GLDN: variants seen among roughly 807,000 people sequenced by gnomAD.
GLDN encodes the protein collomin.
A neutral mutation model predicts 56.5 loss-of-function variants in GLDN; 47 were observed. That is an observed-to-expected ratio of 0.83 (90% CI 0.66 to 1.06). The LOEUF (loss-of-function observed/expected upper bound fraction) is 1.06. GLDN is among the 50% of genes least tolerant of loss of function. The pLI, the probability that GLDN is intolerant of heterozygous loss-of-function variation, is 0.00. For missense variants in GLDN, 782 were observed against 714.3 expected, an observed-to-expected ratio of 1.09 and a Z score of -1.08; for synonymous variants, 332 against 278.8, an observed-to-expected ratio of 1.19 and a Z score of -1.90.
intron 4 of GLDN, among the ~76,000 whole-genome samples, chr15:51,386,964 G>A (rs1484805211): frequency 1.3e-5 from 2 of 152,180 alleles, no homozygotes; most frequent in Non-Finnish European, 2.9e-5. Flanking sequence ...AGGAGGAGGT[G>A]GGGCAGTGGC....
chr15:51,404,886 T>C lies in GLDN; in HGVS notation c.*132T>C. On this transcript the variant is annotated 3_prime_UTR_variant, in exon 10 of 10. Transcript: ENST00000335449. ...ACCTCAAAAGTGTTTATATGGTCAG[T>C]GAGCCCCGCTTAGTGAAATAGCAAC... 1.5e-6 allele frequency: 1 copy of C among 659,128 alleles called. No individual in the cohort carries two copies. The highest frequency in any genetic ancestry group is 2.7e-6 in the Non-Finnish European group (1 of 369,862). 40.8% of individuals were successfully genotyped at this position (659,128 alleles called of 1,614,324 possible).
chr15:51,370,649 T>A (rs764762513), intron 1 of GLDN, among the ~76,000 whole-genome samples: 1 of 148,296 alleles, frequency 6.7e-6, no homozygotes, highest in Non-Finnish European at 1.5e-5. Context: ...AAAAAAAAAA[T>A]CACTTATTAT....
intron 1 of GLDN, among the ~76,000 whole-genome samples, chr15:51,358,631 T>A (rs2470186): frequency 6.6e-6 from 1 of 152,010 alleles, no homozygotes; most frequent in Admixed American, 6.6e-5. Flanking sequence ...CCATAGGGGA[T>A]GCCCTAGGGC....
In GLDN at chr15:51,397,700, G is replaced by C. The variant is rs2038165885; in HGVS notation, c.817+102G>C. ...GACCAGATTTGTTTTAATAGAGGGA[G>C]GAGGGTTTTGTCCAAAATGAAAGTT... On this transcript the variant is annotated intron_variant, in intron 6 of 9. Coordinates refer to ENST00000335449, the MANE Select transcript of GLDN (RefSeq NM_181789.4). 2.3e-6 allele frequency: 3 copies of C among 1,305,462 alleles called. No homozygotes were observed. The Admixed American group carries it at 9.0e-5, about 39-fold the overall frequency. The allele number at this position is 1,305,462 out of a possible 1,614,324, so 80.9% of individuals were successfully genotyped here. A position where few individuals can be genotyped will look rare whatever the true frequency, so the allele number is the denominator to read the frequency against.
intron 2 of GLDN, among the ~76,000 whole-genome samples, chr15:51,377,853 C>T (rs1263191734): frequency 6.6e-6 from 1 of 152,142 alleles, no homozygotes; most frequent in African/African-American, 2.4e-5. Context: ...ATCAGAAGTA[C>T]TTATTGGCCA....
intron 1 of GLDN, among the ~76,000 whole-genome samples, chr15:51,371,263 A>G (rs2037511052): frequency 6.6e-6 from 1 of 152,210 alleles, no homozygotes; most frequent in African/African-American, 2.4e-5. Context: ...AATTTGTTCA[A>G]CAAGACCCTT....
Position 51,401,583 on chromosome 15 carries a change from C to T in GLDN, c.1028-10C>T, listed in dbSNP as rs749978179. The T allele has an allele frequency of 1.2e-6, 2 of 1,609,262 alleles. No individual in the cohort carries two copies. Among genetic ancestry groups the T allele is most frequent in the Non-Finnish European group, 1.7e-6 (2 of 1,177,462 alleles). On this transcript the variant is annotated splice_polypyrimidine_tract_variant and intron_variant, in intron 8 of 9. Transcript: ENST00000335449. ...TAGGTAACAGCCTCTCCCTGGCTTC[C>T]CTCCTACAGGCATCATGGTTAAGGA...
chr15:51,388,760 T>A (rs2037953732), intron 4 of GLDN, among the ~76,000 whole-genome samples: 1 of 152,190 alleles, frequency 6.6e-6, no homozygotes, highest in African/African-American at 2.4e-5. Flanking sequence ...TCAAGGGGCT[T>A]GGGCCCTGTT....
At position 51,377,437 on chromosome 15, in the gene GLDN, T is replaced by C. The variant is rs2037657058; in HGVS notation, c.364-12T>C. 1.9e-6 allele frequency: 3 copies of C among 1,612,644 alleles called. No homozygotes were observed. Among genetic ancestry groups the C allele is most frequent in the South Asian group, 2.2e-5 (2 of 91,032 alleles). On this transcript the variant is annotated splice_polypyrimidine_tract_variant and intron_variant, in intron 1 of 9. Coordinates refer to ENST00000335449, the MANE Select transcript of GLDN (RefSeq NM_181789.4). ...CCCACTGTCTGCTCTGATGACCCTCTCTCCCCTGCAGATCCGAGTGATGGT... is the reference window on the plus strand; with the variant it reads ...CCCACTGTCTGCTCTGATGACCCTCCCTCCCCTGCAGATCCGAGTGATGGT...
At chr15:51,411,882 T>G (rs770481689), downstream of GLDN, among the ~76,000 whole-genome samples, 23 of 152,236 alleles carry the variant, frequency 1.5e-4, no homozygotes, top group Non-Finnish European at 2.6e-4. Context: ...TACCTCAAAT[T>G]GTACTTTCCA....
In GLDN at chr15:51,404,753, G is replaced by A; in HGVS notation, c.1655G>A (p.Ter552=). 2 of 1,502,928 alleles carry A rather than the reference G, an allele frequency of 1.3e-6. No homozygotes were observed. The highest frequency in any genetic ancestry group is 9.2e-7 in the Non-Finnish European group (1 of 1,082,696). 93.1% of individuals were successfully genotyped at this position (1,502,928 alleles called of 1,614,324 possible). A position where few individuals can be genotyped will look rare whatever the true frequency, so the allele number is the denominator to read the frequency against. ...VQFLSTTLNQ[*] is the part of the protein sequence containing the mutation. ...TTTTTGTCAACTACCTTAAATCAGT[G>A]ATGTGCTGCATTCGGCTCCCTTCAG... The change falls in exon 10 of 10, where the codon TGA becomes TAA. Residue 552 remains the stop codon, a stop_retained_variant. Coordinates refer to ENST00000335449, the MANE Select transcript of GLDN (RefSeq NM_181789.4).
rs963602082 is a variant in GLDN, at chr15:51,381,011, C to T, written c.416-2425C>T. Among the ~76,000 whole-genome samples the T allele has an allele frequency of 2.0e-5, 3 of 152,160 alleles. No individual in the cohort carries two copies. In the South Asian group the frequency reaches 6.2e-4, roughly 32 times the overall value. On this transcript the variant is annotated intron_variant, in intron 2 of 9. Transcript: ENST00000335449. Reference sequence around the variant, plus strand: ...CTCTAAATCCAAACTGAATTAGGAACCCCAGATGGGGCCTGGGTATCTGCA... The same window carrying T: ...CTCTAAATCCAAACTGAATTAGGAATCCCAGATGGGGCCTGGGTATCTGCA...
Position 51,352,852 on chromosome 15 carries a change from T to G in GLDN, c.363+10805T>G, listed in dbSNP as rs74686648. 0.015 allele frequency among the ~76,000 whole-genome samples: 2,286 copies of G among 152,318 alleles called. 184 individuals carry two copies. The East Asian group carries it at 0.25, about 17-fold the overall frequency. Reference sequence around the variant, plus strand: ...CTGAACTAACTTTGGAAGGAACTTATAGTTTAACTGTTTAACAACGTTGAT... The same window carrying G: ...CTGAACTAACTTTGGAAGGAACTTAGAGTTTAACTGTTTAACAACGTTGAT... On this transcript the variant is annotated intron_variant, in intron 1 of 9. Coordinates refer to ENST00000335449, the MANE Select transcript of GLDN (RefSeq NM_181789.4).
At chr15:51,392,189 G>A (rs954365909) in intron 4 of GLDN, among the ~76,000 whole-genome samples, 2 of 152,184 alleles carry the variant, frequency 1.3e-5, no homozygotes, top group Admixed American at 6.5e-5. Flanking sequence ...ACGTTTTAGG[G>A]TAGGGGTCCC....
intron 5 of GLDN, among the ~76,000 whole-genome samples, chr15:51,396,213 G>A (rs1217819686): frequency 2.6e-5 from 4 of 152,176 alleles, no homozygotes; most frequent in South Asian, 4.1e-4. Context: ...CCGTGGGATG[G>A]GCCAGGGGCG....
At chr15:51,342,736 G>A (rs931594161) in intron 1 of GLDN, among the ~76,000 whole-genome samples, 6 of 152,186 alleles carry the variant, frequency 3.9e-5, no homozygotes, top group African/African-American at 1.4e-4. Context: ...GGGACCTGCG[G>A]ATTGGTCTCC....
chr15:51,377,782 T>C (rs1283597638), intron 2 of GLDN, among the ~76,000 whole-genome samples: 1 of 152,228 alleles, frequency 6.6e-6, no homozygotes, highest in Admixed American at 6.5e-5. Context: ...TTATTCCCAT[T>C]AGTTTTTAAA....
At position 51,404,608 on chromosome 15, in the gene GLDN, A is replaced by G; in HGVS notation, c.1510A>G (p.Ile504Val). Reference sequence around the variant, plus strand: ...CTTTGATTTGTTAGGAGGGAAACAGATCAATGCAAACTTTGATTTAAGAAC... The same window carrying G: ...CTTTGATTTGTTAGGAGGGAAACAGGTCAATGCAAACTTTGATTTAAGAAC... ...FAFDLLGGKQ[I>V]NANFDLRTSQ... The change falls in exon 10 of 10, where the codon ATC (isoleucine) becomes GTC (valine). Residue 504 changes from isoleucine to valine, a missense_variant. Coordinates refer to ENST00000335449, the MANE Select transcript of GLDN (RefSeq NM_181789.4). 6.2e-7 allele frequency: 1 copy of G among 1,614,182 alleles called. No individual in the cohort carries two copies. The highest frequency in any genetic ancestry group is 1.6e-4 in the Middle Eastern group (1 of 6,062).
intron 1 of GLDN, among the ~76,000 whole-genome samples, chr15:51,376,390 A>G (rs1371153044): frequency 1.3e-5 from 2 of 152,236 alleles, no homozygotes; most frequent in Non-Finnish European, 2.9e-5. Context: ...TGTATAGGAC[A>G]CTTACCATGA....
Sources: allele counts gnomAD v4.1 joint callset (sites outside exome capture counted in the v4.1 genomes callset), GRCh38; gene constraint gnomAD v4.1.1; transcripts MANE v1.5; gene names NCBI Gene and HGNC (gene_info 2026-07-23, HGNC 2026-07-21).